The following PTGR2 variants were observed in gnomAD, a reference collection of about 807,000 sequenced individuals.
PTGR2 encodes 15-oxoprostaglandin 13-reductase.
Under a neutral mutation model 43.4 loss-of-function variants are expected in PTGR2, and 32 were observed. The ratio of observed to expected loss-of-function variants is 0.74; its 90% CI spans 0.56 to 0.99. The LOEUF (loss-of-function observed/expected upper bound fraction) is 0.99. Among genes scored for constraint, PTGR2 ranks in the 50% least tolerant of loss-of-function variants. The pLI is 0.00. For synonymous variants in PTGR2, 106 were observed against 139.2 expected (o/e 0.76, Z 1.68); for missense variants, 373 against 420.0 (o/e 0.89, Z 0.98).
chr14:73,869,168 C>G (rs571613051), intron 3 of PTGR2, among the ~76,000 whole-genome samples: 42 of 152,286 alleles, frequency 2.8e-4, no homozygotes, highest in African/African-American at 1.0e-3. Flanking sequence ...TCTTGACATT[C>G]AGCATTTATC....
intron 6 of PTGR2, chr14:73,879,516 TA>T (rs2054935059): frequency 6.0e-6 from 3 of 503,004 alleles, no homozygotes; most frequent in Non-Finnish European, 1.0e-5. Context: ...CAATTTCAGT[TA>T]TTTGCTACCA....
chr14:73,868,166 G>A (rs2140252161), intron 3 of PTGR2, among the ~76,000 whole-genome samples: 1 of 152,292 alleles, frequency 6.6e-6, no homozygotes, highest in South Asian at 2.1e-4. Context: ...GCACATGCCT[G>A]TAGTCCCAGC....
intron 3 of PTGR2, among the ~76,000 whole-genome samples, chr14:73,870,148 C>G (rs889492874): frequency 2.0e-5 from 3 of 150,612 alleles, no homozygotes; most frequent in Non-Finnish European, 2.9e-5. Flanking sequence ...GCTTGGGCAG[C>G]AACGCAAGAC....
intron 5 of PTGR2, chr14:73,878,026 G>A (rs1172171483): frequency 6.6e-6 from 1 of 152,174 alleles, no homozygotes; most frequent in Non-Finnish European, 1.5e-5. Flanking sequence ...CACGCCTGTT[G>A]TCCTAACTAC....
chr14:73,885,011 C>A lies in PTGR2; in HGVS notation c.*834C>A, dbSNP rs542589286. ...GTAGGTGATTAAAAAGATTGACAGCCGGGCCTGATGTCTCAAGCCTGTAAT... is the reference window on the plus strand; with the variant it reads ...GTAGGTGATTAAAAAGATTGACAGCAGGGCCTGATGTCTCAAGCCTGTAAT... On this transcript the variant is annotated 3_prime_UTR_variant, in exon 10 of 10. Transcript: ENST00000555661. 6.6e-6 allele frequency: 1 copy of A among 152,146 alleles called. No homozygotes were observed. The highest frequency in any genetic ancestry group is 6.6e-5 in the Admixed American group (1 of 15,254). The allele number at this position is 152,146 out of a possible 1,614,324, so 9.4% of individuals were successfully genotyped here. A position where few individuals can be genotyped will look rare whatever the true frequency, so the allele number is the denominator to read the frequency against.
chr14:73,852,081 C>T (rs1182376113), intron 1 of PTGR2, 138 bp downstream of exon 1: 1 of 152,098 alleles, frequency 6.6e-6, no homozygotes, highest in African/African-American at 2.4e-5. Context: ...CGTTATTGCC[C>T]GCAACACTGA....
intron 2 of PTGR2, among the ~76,000 whole-genome samples, chr14:73,860,204 A>G (rs1161624086): frequency 1.3e-5 from 2 of 151,966 alleles, no homozygotes; most frequent in East Asian, 1.9e-4. Flanking sequence ...TTTAAAGAAT[A>G]ATAAGTATAT....
intron 1 of PTGR2, among the ~76,000 whole-genome samples, chr14:73,855,439 T>G (rs1489148937): frequency 6.6e-6 from 1 of 152,036 alleles, no homozygotes; most frequent in African/African-American, 2.4e-5. Context: ...ATAGTGCAAT[T>G]ACTTTATTTT....
intron 5 of PTGR2, 164 bp downstream of exon 5, chr14:73,877,332 T>A: frequency 5.3e-6 from 3 of 562,716 alleles, no homozygotes; most frequent in South Asian, 2.7e-5. Context: ...TGGCGCAATC[T>A]TGGCTCACTG....
intron 3 of PTGR2, among the ~76,000 whole-genome samples, chr14:73,868,428 A>G (rs2054652730): frequency 6.6e-6 from 1 of 152,082 alleles, no homozygotes; most frequent in Non-Finnish European, 1.5e-5. Flanking sequence ...TAATCTTTGT[A>G]TGAATCATGT....
chr14:73,880,149 C>T lies in PTGR2; in HGVS notation c.824C>T (p.Ala275Val), dbSNP rs1212676895. The T allele has an allele frequency of 2.5e-6, 4 of 1,613,812 alleles. No individual in the cohort carries two copies. The highest frequency in any genetic ancestry group is 2.5e-6 in the Non-Finnish European group (3 of 1,179,880). Residue 275 changes from alanine to valine, a missense_variant, in exon 7 of 10, where the codon GCA becomes GTA. Ala to Val is a moderately conservative substitution (Grantham distance 64). Coordinates refer to ENST00000555661, the MANE Select transcript of PTGR2 (RefSeq NM_001146154.2). ...YPPPLSPAIEAIQKERNITRE... is the reference protein window; with the variant it reads ...YPPPLSPAIEVIQKERNITRE... ...CCCCCGCTATCCCCTGCTATAGAGG[C>T]AATCCAGAAAGAAAGAAACATCACA...
chr14:73,867,088 C>CAAAAA (rs200945001), intron 3 of PTGR2, among the ~76,000 whole-genome samples: 17 of 100,088 alleles, frequency 1.7e-4, no homozygotes, highest in East Asian at 6.7e-4. Context: ...GACTCTGTCT[C>CAAAAA]AAAAAAAAAA....
chr14:73,868,404 T>G (rs2054652336), intron 3 of PTGR2, among the ~76,000 whole-genome samples: 1 of 152,192 alleles, frequency 6.6e-6, no homozygotes, highest in Non-Finnish European at 1.5e-5. Context: ...AACACATCAG[T>G]GCCCCCTTCT....
chr14:73,884,363 T>G lies in PTGR2; in HGVS notation c.*186T>G, dbSNP rs761384578. 5.4e-4 allele frequency: 232 copies of G among 428,090 alleles called. 1 individual carries two copies. The highest frequency in any genetic ancestry group is 8.7e-4 in the Non-Finnish European group (215 of 246,374). 26.5% of individuals were successfully genotyped at this position (428,090 alleles called of 1,614,324 possible). A position where few individuals can be genotyped will look rare whatever the true frequency, so the allele number is the denominator to read the frequency against. On this transcript the variant is annotated 3_prime_UTR_variant, in exon 10 of 10. Coordinates refer to ENST00000555661, the MANE Select transcript of PTGR2 (RefSeq NM_001146154.2). ...ATCATACACAATAGGTTTTTAAAAATTAATAACTTTTAGTAATTACTTTTA... is the reference window on the plus strand; with the variant it reads ...ATCATACACAATAGGTTTTTAAAAAGTAATAACTTTTAGTAATTACTTTTA...
At chr14:73,877,223 CT>C (rs2054886443) in intron 5 of PTGR2, 55 bp downstream of exon 5, 1 of 1,477,392 alleles carries the variant, frequency 6.8e-7, no homozygotes, top group Non-Finnish European at 9.3e-7. Context: ...TGTTATAATT[CT>C]TAATTGAAAT....
intron 4 of PTGR2, among the ~76,000 whole-genome samples, chr14:73,876,585 C>T (rs1391689597): frequency 3.4e-5 from 5 of 148,838 alleles, no homozygotes; most frequent in African/African-American, 4.9e-5. Flanking sequence ...AAGCGATTCT[C>T]CTGCCTCAGC....
chr14:73,857,339 T>A (rs2054371988), intron 1 of PTGR2, among the ~76,000 whole-genome samples: 1 of 148,192 alleles, frequency 6.7e-6, no homozygotes, highest in Non-Finnish European at 1.5e-5. Flanking sequence ...GTGGCTGGGC[T>A]TGGTGGCTCA....
intron 3 of PTGR2, among the ~76,000 whole-genome samples, chr14:73,862,711 T>C (rs1051340597): frequency 2.6e-5 from 4 of 152,128 alleles, no homozygotes; most frequent in Non-Finnish European, 5.9e-5. Flanking sequence ...GACTTCATTT[T>C]ATTAATTTTT....
chr14:73,876,943 G>A (rs1286238310), intron 4 of PTGR2, 55 bp from the exon 5 acceptor site: 26 of 1,367,112 alleles, frequency 1.9e-5, no homozygotes, highest in Non-Finnish European at 2.7e-5. Flanking sequence ...TCTCTACTTT[G>A]TTGTCTCAAA....
Sources: allele counts gnomAD v4.1 joint callset (sites outside exome capture counted in the v4.1 genomes callset), GRCh38; gene constraint gnomAD v4.1.1; transcripts MANE v1.5; gene names NCBI Gene and HGNC (gene_info 2026-07-23, HGNC 2026-07-21).